Variants in ERF observed in about 807,000 individuals in gnomAD.
ERF encodes ETS2 repressor factor, also known as ETS domain-containing transcription factor ERF.
ERF carries 10 observed loss-of-function variants against 41.6 expected under a neutral mutation model. That is an observed-to-expected ratio of 0.24 (90% CI 0.15 to 0.41). ERF has a LOEUF of 0.41. Ranked by LOEUF, ERF falls within the 10% of genes least tolerant of loss-of-function variation. ERF has a pLI of 1.00. For synonymous variants in ERF, 395 were observed against 342.4 expected (o/e 1.15, Z -1.70); for missense variants, 621 against 763.2 (o/e 0.81, Z 2.19).
At chr19:42,254,267 C>T (rs1033750705) in intron 1 of ERF, among the ~76,000 whole-genome samples, 4 of 151,958 alleles carry the variant, frequency 2.6e-5, no homozygotes, top group African/African-American at 9.7e-5. Flanking sequence ...ACCTTCCCCA[C>T]CCTCCTCAAC....
In ERF at chr19:42,248,002, G is replaced by GGGCAGGGCA; in HGVS notation, c.*454_*462dup. On this transcript the variant is annotated 3_prime_UTR_variant, in exon 4 of 4. Coordinates refer to ENST00000222329, the MANE Select transcript of ERF (RefSeq NM_006494.4). This position sits in a 1 kb window ranked among gnomAD's most constrained non-coding sequence, Gnocchi z 4.2. ...CCTAGGCACTCATGGCCCCCTGGAG[G>GGGCAGGGCA]GGCAGGGCAGGCAGGGCTGGGGCTG... 6.4e-6 allele frequency: 1 copy of GGGCAGGGCA among 155,266 alleles called. No homozygotes were observed. The highest frequency in any genetic ancestry group is 1.4e-5 in the Non-Finnish European group (1 of 70,032). The allele number at this position is 155,266 out of a possible 1,614,324, so 9.6% of individuals were successfully genotyped here. A position where few individuals can be genotyped will look rare whatever the true frequency, so the allele number is the denominator to read the frequency against.
intron 1 of ERF, chr19:42,253,929 C>T (rs1256583494): frequency 1.9e-6 from 2 of 1,040,200 alleles, no homozygotes; most frequent in Non-Finnish European, 2.3e-6. Flanking sequence ...CGGCCCCCTT[C>T]CCCCTCCCCC....
In ERF at chr19:42,248,577, T is replaced by C. The variant is rs2036373009; in HGVS notation, c.1535A>G (p.Lys512Arg). Residue 512 changes from lysine to arginine, a missense_variant, in exon 4 of 4, where the codon AAG (lysine) becomes AGG (arginine). Lys to Arg is a conservative substitution (Grantham distance 26). Transcript: ENST00000222329. This position sits in a 1 kb window ranked among gnomAD's most constrained non-coding sequence, Gnocchi z 4.2. The stretch of plus-strand genomic sequence containing the variant: ...CTCCCCAGGCCCCTCCCCACGCACC[T>C]TCTTGTCCTCACCCTCATCCTCAAA... The part of the protein sequence containing the change: ...GGFEDEGEDK[K>R]VRGEGPGEAG... 5 of 1,581,284 alleles carry C rather than the reference T, an allele frequency of 3.2e-6. No homozygotes were observed. The highest frequency in any genetic ancestry group is 1.8e-5 in the Admixed American group (1 of 55,620).
intron 1 of ERF, chr19:42,254,582 G>A (rs911297454): frequency 5.6e-6 from 1 of 178,184 alleles, no homozygotes. Flanking sequence ...GCAGGACCGC[G>A]CAGCGCAGAA....
intron 1 of ERF, chr19:42,251,209 G>A: frequency 1.0e-6 from 1 of 984,888 alleles, no homozygotes; most frequent in South Asian, 4.7e-5. Context: ...CCCAAGCCCT[G>A]GACCCTCTGA....
At position 42,250,867 on chromosome 19, in the gene ERF, C is replaced by T. The variant is rs1011726264; in HGVS notation, c.23-302G>A. Reference sequence around the variant, plus strand: ...GGGGCCAGGCACCAAGCCAGGCTGGCGGGCAGGGCTGCCAGTGGGGGAGGG... The same window carrying T: ...GGGGCCAGGCACCAAGCCAGGCTGGTGGGCAGGGCTGCCAGTGGGGGAGGG... On this transcript the variant is annotated intron_variant, in intron 1 of 3. Transcript: ENST00000222329. This position sits in a 1 kb window ranked among gnomAD's most constrained non-coding sequence, Gnocchi z 5.1. 2.0e-5 allele frequency among the ~76,000 whole-genome samples: 3 copies of T among 151,826 alleles called. No homozygotes were observed. Among genetic ancestry groups the T allele is most frequent in the Non-Finnish European group, 2.9e-5 (2 of 67,944 alleles).
rs2036402519 is a variant in ERF, at chr19:42,249,432, T to C, written c.680A>G (p.His227Arg). The change falls in exon 4 of 4, where the codon CAT (histidine) becomes CGT (arginine). Residue 227 changes from histidine to arginine, a missense_variant. This residue lies in a region of ERF where 569 missense variants were observed against 625.5 expected (regional missense o/e 0.91). Transcript: ENST00000222329. The surrounding 1 kb of genome is among the most constrained non-coding windows in gnomAD (Gnocchi z 8.6). ...ATAGACTCGGAAGACACCAGGGTCA[T>C]GGGGCAGGCGGGCCAGCGGGGGCCC... ...FRGPPLARLP[H>R]DPGVFRVYPR... 1.9e-6 allele frequency: 3 copies of C among 1,592,568 alleles called. No homozygotes were observed. The highest frequency in any genetic ancestry group is 1.7e-6 in the Non-Finnish European group (2 of 1,169,992).
intron 1 of ERF, chr19:42,254,010 C>T: frequency 2.1e-6 from 2 of 937,746 alleles, no homozygotes; most frequent in Non-Finnish European, 2.5e-6. Flanking sequence ...CCCCTGCGCG[C>T]TCGGGCGCAA....
chr19:42,252,568 C>G (rs2036461772), intron 1 of ERF, among the ~76,000 whole-genome samples: 1 of 152,208 alleles, frequency 6.6e-6, no homozygotes, highest in South Asian at 2.1e-4. Context: ...TGGGAGCTGT[C>G]CCAGGCCCCC....
At chr19:42,252,281 AG>A (rs1287718650) in intron 1 of ERF, among the ~76,000 whole-genome samples, 2 of 152,112 alleles carry the variant, frequency 1.3e-5, no homozygotes, top group Admixed American at 1.3e-4. Context: ...TAGACCTAGA[AG>A]GGGGGCCAAA....
chr19:42,251,300 C>A, intron 1 of ERF: 2 of 986,178 alleles, frequency 2.0e-6, no homozygotes, highest in Non-Finnish European at 2.4e-6. Flanking sequence ...CTTGAGCAGG[C>A]ACCCTGGAGC....
Position 42,248,338 on chromosome 19 carries a change from G to A in ERF, c.*127C>T. 1 of 785,454 alleles carries A rather than the reference G, an allele frequency of 1.3e-6. No individual in the cohort carries two copies. The highest frequency in any genetic ancestry group is 3.4e-5 in the Admixed American group (1 of 29,390). 48.7% of individuals were successfully genotyped at this position (785,454 alleles called of 1,614,324 possible). On this transcript the variant is annotated 3_prime_UTR_variant, in exon 4 of 4. Coordinates refer to ENST00000222329, the MANE Select transcript of ERF (RefSeq NM_006494.4). This position sits in a 1 kb window ranked among gnomAD's most constrained non-coding sequence, Gnocchi z 4.2. Reference sequence around the variant, plus strand: ...GAAATTAAAGTTTTATACAAAATGTGGGGAGGGAAAAGGGAGGAGGCAGGG... The same window carrying A: ...GAAATTAAAGTTTTATACAAAATGTAGGGAGGGAAAAGGGAGGAGGCAGGG...
Position 42,248,265 on chromosome 19 carries a change from A to G in ERF, c.*200T>C, listed in dbSNP as rs1051397219. On this transcript the variant is annotated 3_prime_UTR_variant, in exon 4 of 4. Coordinates refer to ENST00000222329, the MANE Select transcript of ERF (RefSeq NM_006494.4). The surrounding 1 kb of genome is among the most constrained non-coding windows in gnomAD (Gnocchi z 4.2). ...TTAGAAACCCACAGAGACAGGGAAT[A>G]GCCCCTAGCCCTGGGCACCCACCCA... 1.4e-5 allele frequency: 4 copies of G among 281,472 alleles called. No homozygotes were observed. The highest frequency in any genetic ancestry group is 2.5e-5 in the Non-Finnish European group (4 of 158,244). 17.4% of individuals were successfully genotyped at this position (281,472 alleles called of 1,614,324 possible).
Position 42,249,916 on chromosome 19 carries a change from T to C in ERF, c.284A>G (p.His95Arg), listed in dbSNP as rs1599823366. ...LRYYYNKRIL[H>R]KTKGKRFTYK... is the part of the protein sequence containing the mutation. ...GGTGAACCGTTTCCCCTTGGTCTTG[T>C]GCAGAATGCGCTTGTTATAGTAATA... The change falls in exon 3 of 4, where the codon CAC becomes CGC. Residue 95 changes from histidine (H) to arginine (R), a missense_variant. Around this residue, in one of 3 missense-constraint regions of ERF, gnomAD observed 18 missense variants for 80.8 expected, o/e 0.22. Transcript: ENST00000222329. This position sits in a 1 kb window ranked among gnomAD's most constrained non-coding sequence, Gnocchi z 8.6. 6.2e-7 allele frequency: 1 copy of C among 1,614,168 alleles called. No individual in the cohort carries two copies. The highest frequency in any genetic ancestry group is 8.5e-7 in the Non-Finnish European group (1 of 1,180,016).
At chr19:42,254,072 C>T (rs1279950772) in intron 1 of ERF, among the ~76,000 whole-genome samples, 1 of 150,764 alleles carries the variant, frequency 6.6e-6, no homozygotes, top group Non-Finnish European at 1.5e-5. Context: ...GGGGAAAAGT[C>T]CGAGTGGGAG....
rs1486472027 is a variant in ERF, at chr19:42,248,477, G to A, written c.1635C>T (p.His545=). The A allele has an allele frequency of 6.7e-7, 1 of 1,500,202 alleles. No individual in the cohort carries two copies. Among genetic ancestry groups the A allele is most frequent in the Non-Finnish European group, 8.9e-7 (1 of 1,125,586 alleles). The allele number at this position is 1,500,202 out of a possible 1,614,324, so 92.9% of individuals were successfully genotyped here. The change falls in exon 4 of 4, where the codon CAC becomes CAT. Residue 545 remains histidine, a synonymous_variant. Coordinates refer to ENST00000222329, the MANE Select transcript of ERF (RefSeq NM_006494.4). The surrounding 1 kb of genome is among the most constrained non-coding windows in gnomAD (Gnocchi z 4.2). ...CTGCCCACAGCCCTCAGGAGTCTCG[G>A]TGCTCCAGGGAGAGCTGGGCCGTGG... ...QHATAQLSLE[H]RDS
At chr19:42,252,586 AC>A in intron 1 of ERF, among the ~76,000 whole-genome samples, 1 of 151,950 alleles carries the variant, frequency 6.6e-6, no homozygotes, top group East Asian at 1.9e-4. Context: ...CCCTTGTTAA[AC>A]CCCTTCCCTG....
In ERF at chr19:42,249,284, G is replaced by A; in HGVS notation, c.828C>T (p.Ala276=). ...PALPMTPTHL[A]YTPSPTLSPM... ...GGCTCAGCGTGGGCGAGGGAGTGTAGGCCAGGTGGGTGGGCGTCATGGGCA... is the reference window on the plus strand; with the variant it reads ...GGCTCAGCGTGGGCGAGGGAGTGTAAGCCAGGTGGGTGGGCGTCATGGGCA... The change falls in exon 4 of 4, where the codon GCC becomes GCT. Residue 276 remains alanine, a synonymous_variant. Coordinates refer to ENST00000222329, the MANE Select transcript of ERF (RefSeq NM_006494.4). The surrounding 1 kb of genome is among the most constrained non-coding windows in gnomAD (Gnocchi z 8.6). 1.2e-6 allele frequency: 2 copies of A among 1,605,588 alleles called. No homozygotes were observed. The highest frequency in any genetic ancestry group is 2.2e-5 in the East Asian group (1 of 44,556).
Position 42,249,079 on chromosome 19 carries a change from G to A in ERF, c.1033C>T (p.Pro345Ser). Residue 345 changes from proline to serine, a missense_variant, in exon 4 of 4, where the codon CCT becomes TCT. Physicochemically the swap from Pro to Ser is moderately conservative, Grantham distance 74 (BLOSUM62 -1). Around this residue, in one of 3 missense-constraint regions of ERF, gnomAD observed 569 missense variants for 625.5 expected, o/e 0.91. Coordinates refer to ENST00000222329, the MANE Select transcript of ERF (RefSeq NM_006494.4). The surrounding 1 kb of genome is among the most constrained non-coding windows in gnomAD (Gnocchi z 8.6). ...PGLVVPQPQR[P>S]DKCPLPPMAP... ...ATGGGCGGCAGCGGGCACTTGTCAG[G>A]GCGCTGGGGCTGGGGCACCACCAGC... The A allele has an allele frequency of 6.2e-7, 1 of 1,613,454 alleles. No individual in the cohort carries two copies. The highest frequency in any genetic ancestry group is 1.1e-5 in the South Asian group (1 of 91,056).
Sources: allele counts gnomAD v4.1 joint callset (sites outside exome capture counted in the v4.1 genomes callset), GRCh38; gene constraint gnomAD v4.1.1; regional missense constraint gnomAD v4.1.1; non-coding constraint Gnocchi (gnomAD v3.1); transcripts MANE v1.5; gene names NCBI Gene and HGNC (gene_info 2026-07-23, HGNC 2026-07-21).